DDX11: variants seen among roughly 807,000 people sequenced by gnomAD.
DDX11 encodes ATP-dependent DNA helicase DDX11.
A neutral mutation model predicts 125.2 loss-of-function variants in DDX11; 72 were observed. That is an observed-to-expected ratio of 0.58 (90% CI 0.48 to 0.70). The LOEUF (loss-of-function observed/expected upper bound fraction) is 0.70. Ranked by LOEUF, DDX11 falls within the 30% of genes least tolerant of loss-of-function variation. DDX11 has a pLI of 0.00. For missense variants in DDX11, 883 were observed against 1,165.0 expected (o/e 0.76, Z 3.52); for synonymous variants, 347 against 452.6 (o/e 0.77, Z 2.96).
chr12:31,091,178 C>T (rs1944140737), intron 9 of DDX11: 1 of 152,406 alleles, frequency 6.6e-6, no homozygotes, highest in African/African-American at 2.4e-5. Context: ...TAACTGGAAA[C>T]TTTCCTAACA....
intron 1 of DDX11, chr12:31,078,186 T>C: frequency 6.6e-6 from 10 of 1,511,222 alleles, no homozygotes; most frequent in Non-Finnish European, 8.9e-6. Flanking sequence ...AGCCGTTAAA[T>C]GCCGCTAGAT....
rs1158296068 is a variant in DDX11, at chr12:31,096,888, GC to G, written c.1662del (p.Ser555AlafsTer9). The G allele has an allele frequency of 6.2e-7, 1 of 1,614,044 alleles. No individual in the cohort carries two copies. Among genetic ancestry groups the G allele is most frequent in the African/African-American group, 1.3e-5 (1 of 74,920 alleles). On this transcript the variant is annotated frameshift_variant, in exon 17 of 27. Coordinates refer to ENST00000542838, the MANE Select transcript of DDX11 (RefSeq NM_030653.4). LOFTEE classifies it high-confidence loss of function. Reference sequence around the variant, plus strand: ...TGCAGCCCCTGCAGACGAGAGTCAGGCCAGCACCCTGCGACCAGCTTCTCCA... The same window carrying G: ...TGCAGCCCCTGCAGACGAGAGTCAGGCAGCACCCTGCGACCAGCTTCTCCA... ...ALAAPADESQ[A>X]STLRPASPLM...
At chr12:31,093,559 T>C in intron 12 of DDX11, 3 of 556,136 alleles carry the variant, frequency 5.4e-6, no homozygotes, top group South Asian at 1.8e-5. Flanking sequence ...CTACTAAAAA[T>C]ACAAAAAAAT....
Position 31,084,686 on chromosome 12 carries a change from G to C in DDX11, c.480+17G>C, listed in dbSNP as rs980853185. 6.4e-7 allele frequency: 1 copy of C among 1,569,728 alleles called. No individual in the cohort carries two copies. Among genetic ancestry groups the C allele is most frequent in the South Asian group, 1.2e-5 (1 of 86,664 alleles). On this transcript the variant is annotated intron_variant, in intron 4 of 26. Transcript: ENST00000542838. ...AAGCGCCTGGTGAGCCTCATTTCTT[G>C]GGGGGCAGGATTATGTCCAGGCAGG...
At chr12:31,077,933 A>G (rs552917463) in intron 1 of DDX11, 47 of 327,830 alleles carry the variant, frequency 1.4e-4, no homozygotes, top group Non-Finnish European at 5.4e-5. Flanking sequence ...CCTGTGCGTC[A>G]TGATTTTCCA....
At chr12:31,087,437 T>C (rs1437901853) in intron 5 of DDX11, 3 of 298,650 alleles carry the variant, frequency 1.0e-5, no homozygotes, top group Middle Eastern at 1.2e-3. Flanking sequence ...GCAGGGGCCA[T>C]GAATCTGTGT....
At chr12:31,092,042 G>A (rs1179931150) in intron 10 of DDX11, among the ~76,000 whole-genome samples, 171 bp downstream of exon 10, 2 of 152,242 alleles carry the variant, frequency 1.3e-5, no homozygotes, top group Non-Finnish European at 2.9e-5. Context: ...CAGTGCATCG[G>A]GGGACCCCGC....
chr12:31,093,396 T>A (rs1944588051), intron 12 of DDX11, 72 bp downstream of exon 12: 1 of 1,579,148 alleles, frequency 6.3e-7, no homozygotes, highest in Non-Finnish European at 8.7e-7. Context: ...TGGATGCCCA[T>A]CAGGACACCT....
chr12:31,083,972 G>T lies in DDX11; in HGVS notation c.304G>T (p.Ala102Ser). 6.2e-7 allele frequency: 1 copy of T among 1,613,980 alleles called. No individual in the cohort carries two copies. The highest frequency in any genetic ancestry group is 8.5e-7 in the Non-Finnish European group (1 of 1,179,874). ...LCLSSSCEGA[A>S]GTPRPAGEPA... is the part of the protein sequence containing the mutation. ...TCTGTCTTCTTCCTGCGAAGGGGCT[G>T]CAGGCACCCCGAGGCCTGCTGGAGA... The change falls in exon 3 of 27, where the codon GCA becomes TCA. Residue 102 changes from alanine to serine, a missense_variant. Ala to Ser is a moderately conservative substitution (Grantham distance 99, BLOSUM62 1). This residue lies in a region of DDX11 where 283 missense variants were observed against 359.6 expected (regional missense o/e 0.79). Transcript: ENST00000542838.
chr12:31,099,080 C>CTTTTTT (rs1467965765), intron 18 of DDX11, among the ~76,000 whole-genome samples: 4,057 of 79,158 alleles, frequency 0.051, 523 homozygotes, highest in Non-Finnish European at 0.069. Flanking sequence ...TTCTTTCTTT[C>CTTTTTT]TTTCTTTTTT....
chr12:31,086,293 C>T (rs1449199477), intron 5 of DDX11: 12 of 404,048 alleles, frequency 3.0e-5, no homozygotes, highest in Non-Finnish European at 5.9e-5. Context: ...GCCTCCTCTC[C>T]CTGGCTGGGC....
At position 31,103,252 on chromosome 12, in the gene DDX11, G is replaced by T; in HGVS notation, c.2458-65G>T. ...CTGGTCTGGCTCCAAAGCCTGGCAG[G>T]GTCTTTTCCCAGGGGGAGCTGCAGG... On this transcript the variant is annotated intron_variant, in intron 24 of 26. Coordinates refer to ENST00000542838, the MANE Select transcript of DDX11 (RefSeq NM_030653.4). 3.2e-6 allele frequency: 5 copies of T among 1,576,502 alleles called. No homozygotes were observed. In the South Asian group the frequency reaches 5.8e-5, roughly 18 times the overall value.
chr12:31,096,952 C>G lies in DDX11; in HGVS notation c.1724C>G (p.Thr575Arg). Residue 575 changes from threonine (T) to arginine (R), a missense_variant, in exon 17 of 27, where the codon ACG becomes AGG. This residue lies in a region of DDX11 where 241 missense variants were observed against 279.7 expected (regional missense o/e 0.86). Transcript: ENST00000542838. ...HIQGFLAALT[T>R]ANQDGRVILS... ...CAAGGCTTCCTGGCAGCTCTCACTA[C>G]GGCCAACCAGGACGGCAGGGTCATC... The G allele has an allele frequency of 6.2e-7, 1 of 1,614,032 alleles. No homozygotes were observed. The highest frequency in any genetic ancestry group is 8.5e-7 in the Non-Finnish European group (1 of 1,179,996).
Position 31,096,849 on chromosome 12 carries a change from C to T in DDX11, c.1631-10C>T. 6.2e-7 allele frequency: 1 copy of T among 1,614,218 alleles called. No homozygotes were observed. Among genetic ancestry groups the T allele is most frequent in the Non-Finnish European group, 8.5e-7 (1 of 1,180,038 alleles). ...AGAGGGAGGCCTCCTCCCCGTTCTGCTCTGTGCAGCTCTTGCAGCCCCTGC... is the reference window on the plus strand; with the variant it reads ...AGAGGGAGGCCTCCTCCCCGTTCTGTTCTGTGCAGCTCTTGCAGCCCCTGC... On this transcript the variant is annotated splice_polypyrimidine_tract_variant and intron_variant, in intron 16 of 26. Coordinates refer to ENST00000542838, the MANE Select transcript of DDX11 (RefSeq NM_030653.4).
At chr12:31,086,900 G>A (rs1279752270) in intron 5 of DDX11, among the ~76,000 whole-genome samples, 8 of 136,238 alleles carry the variant, frequency 5.9e-5, no homozygotes, top group Non-Finnish European at 1.2e-4. Context: ...AGATAGAGCC[G>A]CCTGCTCTTT....
chr12:31,086,023 A>C (rs1487970869), intron 5 of DDX11: 1 of 454,314 alleles, frequency 2.2e-6, no homozygotes, highest in East Asian at 7.0e-5. Flanking sequence ...GTCTGTCTGC[A>C]GGGCGCCTTC....
chr12:31,088,237 G>A (rs1400352674), intron 6 of DDX11, among the ~76,000 whole-genome samples: 1 of 151,828 alleles, frequency 6.6e-6, no homozygotes, highest in African/African-American at 2.4e-5. Flanking sequence ...GACCTTTCCT[G>A]GGAACAGGGA....
At chr12:31,086,980 TAGAA>T (rs1426089346) in intron 5 of DDX11, among the ~76,000 whole-genome samples, 2 of 130,308 alleles carry the variant, frequency 1.5e-5, no homozygotes, top group Admixed American at 8.2e-5. Context: ...TCTGTTTTGT[TAGAA>T]AGGAATTTCG....
At position 31,103,090 on chromosome 12, in the gene DDX11, G is replaced by A. The variant is rs1439211198; in HGVS notation, c.2457+70G>A. The A allele has an allele frequency of 2.6e-6, 4 of 1,545,954 alleles. No individual in the cohort carries two copies. In the African/African-American group the frequency reaches 4.1e-5, roughly 16 times the overall value. Reference sequence around the variant, plus strand: ...TGGGTGGGAGTGGCATCACCCCCAGGGCTGATACAGCCAGGCCTTCCCCGC... The same window carrying A: ...TGGGTGGGAGTGGCATCACCCCCAGAGCTGATACAGCCAGGCCTTCCCCGC... On this transcript the variant is annotated intron_variant, in intron 24 of 26. Coordinates refer to ENST00000542838, the MANE Select transcript of DDX11 (RefSeq NM_030653.4).
Sources: gnomAD v4.1 joint callset for allele counts (sites outside exome capture counted in the v4.1 genomes callset) on GRCh38, gnomAD v4.1.1 for gene constraint, gnomAD v4.1.1 regional missense constraint, MANE v1.5 for transcripts, NCBI Gene and HGNC (gene_info 2026-07-23, HGNC 2026-07-21) for gene names.